Variants in NCK2 observed in about 807,000 individuals in gnomAD.
NCK2 encodes the protein NCK adaptor protein 2.
NCK2 carries 16 observed loss-of-function variants against 33.9 expected under a neutral mutation model. That is an observed-to-expected ratio of 0.47 (90% confidence interval 0.32 to 0.72). The LOEUF (loss-of-function observed/expected upper bound fraction) is 0.72, where lower values mean the gene tolerates loss of function less well. Among genes scored for constraint, NCK2 ranks in the 30% least tolerant of loss-of-function variants. NCK2 has a pLI of 0.03. For missense variants in NCK2, 418 were observed against 537.3 expected (o/e 0.78, Z 2.19); for synonymous variants, 273 against 239.9 (o/e 1.14, Z -1.27).
At chr2:105,801,829 C>T (rs567947915) in intron 1 of NCK2, among the ~76,000 whole-genome samples, 14 of 152,174 alleles carry the variant, frequency 9.2e-5, no homozygotes, top group East Asian at 3.9e-4. Flanking sequence ...CTTTACAGGG[C>T]GCTTTTTAGA....
chr2:105,836,077 A>ATCATTATTT (rs2104537793), intron 2 of NCK2, among the ~76,000 whole-genome samples: 1 of 102,806 alleles, frequency 9.7e-6, no homozygotes, highest in South Asian at 2.5e-4. Flanking sequence ...TTTCCTTAAG[A>ATCATTATTT]TCATTATTTT....
chr2:105,858,058 G>GTTTT (rs70953539), intron 3 of NCK2, among the ~76,000 whole-genome samples: 1 of 143,052 alleles, frequency 7.0e-6, no homozygotes, highest in Non-Finnish European at 1.5e-5. Context: ...TTTTTTTTTT[G>GTTTT]TTTTTTTTTT....
intron 2 of NCK2, among the ~76,000 whole-genome samples, chr2:105,832,024 C>T (rs957631298): frequency 6.6e-6 from 1 of 152,044 alleles, no homozygotes; most frequent in Middle Eastern, 3.4e-3. Context: ...TTGTTTATGT[C>T]CTCTTCAATT....
At chr2:105,745,434 G>T (rs190956794) in intron 1 of NCK2, among the ~76,000 whole-genome samples, 313 of 151,992 alleles carry the variant, frequency 2.1e-3, no homozygotes, top group East Asian at 5.1e-3. Context: ...GCGAGGATCA[G>T]GGCAGGGGGC....
intron 2 of NCK2, among the ~76,000 whole-genome samples, chr2:105,836,077 A>T (rs1422804345): frequency 2.9e-5 from 3 of 102,750 alleles, no homozygotes; most frequent in African/African-American, 1.6e-4. Flanking sequence ...TTTCCTTAAG[A>T]TCATTATTTT....
rs535037048 is a variant in NCK2, at chr2:105,851,411, G to A, written c.-16-3637G>A. ...CCGGAGTAGCTGGGACTACAGGAGC[G>A]TGCCACCACCCCCGGCTGCTCTTTT... On this transcript the variant is annotated intron_variant, in intron 2 of 4. Coordinates refer to ENST00000233154, the MANE Select transcript of NCK2 (RefSeq NM_003581.5). Among the ~76,000 whole-genome samples the A allele has an allele frequency of 1.3e-3, 193 of 152,198 alleles. 1 individual carries two copies. Among genetic ancestry groups the A allele is most frequent in the African/African-American group, 4.2e-3 (175 of 41,522 alleles).
At chr2:105,876,344 CTGTCTGGG>C (rs1417304324) in intron 3 of NCK2, among the ~76,000 whole-genome samples, 1 of 152,242 alleles carries the variant, frequency 6.6e-6, no homozygotes, top group Non-Finnish European at 1.5e-5. Flanking sequence ...GGCATTGGAA[CTGTCTGGG>C]TGTTCTGCAT....
At chr2:105,819,458 T>C (rs183781681) in intron 2 of NCK2, among the ~76,000 whole-genome samples, 3 of 152,350 alleles carry the variant, frequency 2.0e-5, no homozygotes, top group East Asian at 3.9e-4. Context: ...ATCTTCTGAT[T>C]GGATCATCAG....
chr2:105,870,303 C>A (rs1677946882), intron 3 of NCK2, among the ~76,000 whole-genome samples: 1 of 152,244 alleles, frequency 6.6e-6, no homozygotes, highest in Non-Finnish European at 1.5e-5. Context: ...CCCACCCAGG[C>A]AGGGTGGCTG....
intron 2 of NCK2, among the ~76,000 whole-genome samples, chr2:105,826,302 C>T (rs981685042): frequency 6.6e-6 from 1 of 152,172 alleles, no homozygotes; most frequent in Non-Finnish European, 1.5e-5. Flanking sequence ...GCCCCCATGA[C>T]TCAATTACCT....
intron 1 of NCK2, among the ~76,000 whole-genome samples, chr2:105,780,664 AGGTGAT>A (rs1437021110): frequency 2.0e-5 from 3 of 152,138 alleles, no homozygotes; most frequent in African/African-American, 7.2e-5. Context: ...CTACCCCCCA[AGGTGAT>A]GGTATTTGGA....
chr2:105,800,175 G>C (rs561056326), intron 1 of NCK2, among the ~76,000 whole-genome samples: 27 of 152,314 alleles, frequency 1.8e-4, no homozygotes, highest in Admixed American at 5.2e-4. Context: ...GGCTCTCCCT[G>C]GTCTCCGGCA....
At chr2:105,773,345 C>T (rs1057476465) in intron 1 of NCK2, among the ~76,000 whole-genome samples, 1 of 152,084 alleles carries the variant, frequency 6.6e-6, no homozygotes, top group African/African-American at 2.4e-5. Flanking sequence ...TGAGGCAGAC[C>T]TGTCTTCTCG....
intron 1 of NCK2, among the ~76,000 whole-genome samples, chr2:105,807,201 C>T (rs536868363): frequency 5.1e-4 from 77 of 152,360 alleles, no homozygotes; most frequent in African/African-American, 1.8e-3. Flanking sequence ...GAACAGCTCA[C>T]TCTGGGTGTT....
intron 1 of NCK2, among the ~76,000 whole-genome samples, chr2:105,783,838 C>T (rs116244879): frequency 0.019 from 2,854 of 152,142 alleles, 51 homozygotes; most frequent in Non-Finnish European, 0.022. Context: ...GGCATTTCTT[C>T]CCAGAAAGTG....
intron 1 of NCK2, among the ~76,000 whole-genome samples, chr2:105,777,150 G>A (rs942076877): frequency 3.3e-5 from 5 of 151,958 alleles, no homozygotes; most frequent in African/African-American, 1.2e-4. Context: ...ACGGCCCTGC[G>A]GCTGTCACTG....
intron 2 of NCK2, among the ~76,000 whole-genome samples, chr2:105,846,296 ACTTAGAGT>A (rs1650932518): frequency 6.6e-6 from 1 of 152,222 alleles, no homozygotes; most frequent in Admixed American, 6.5e-5. Context: ...AGCTATGTTG[ACTTAGAGT>A]CTAGTCTGCA....
chr2:105,744,938 C>CGGCGGGCGGAGGGGAGGGCTT lies in NCK2; in HGVS notation c.-395_-375dup, dbSNP rs1689218345. ...GGCCGGAGCCGCGCGGCCGAGCGGGCGGCGGGCGGAGGGGAGGGCTTGGCG... is the reference window on the plus strand; with the variant it reads ...GGCCGGAGCCGCGCGGCCGAGCGGGCGGCGGGCGGAGGGGAGGGCTTGGCGGGCGGAGGGGAGGGCTTGGCG... On this transcript the variant is annotated 5_prime_UTR_variant, in exon 1 of 5. Coordinates refer to ENST00000233154, the MANE Select transcript of NCK2 (RefSeq NM_003581.5). 1.4e-5 allele frequency: 2 copies of CGGCGGGCGGAGGGGAGGGCTT among 145,508 alleles called. No individual in the cohort carries two copies. Among genetic ancestry groups the CGGCGGGCGGAGGGGAGGGCTT allele is most frequent in the African/African-American group, 4.9e-5 (2 of 40,518 alleles). The allele number at this position is 145,508 out of a possible 1,614,324, so 9.0% of individuals were successfully genotyped here. A position where few individuals can be genotyped will look rare whatever the true frequency, so the allele number is the denominator to read the frequency against.
intron 3 of NCK2, among the ~76,000 whole-genome samples, chr2:105,860,864 G>T (rs1343651532): frequency 6.7e-6 from 1 of 148,680 alleles, no homozygotes; most frequent in Non-Finnish European, 1.5e-5. Context: ...CAACTTGTGG[G>T]GCACACGAGA....
Sources: allele counts gnomAD v4.1 joint callset (sites outside exome capture counted in the v4.1 genomes callset), GRCh38; gene constraint gnomAD v4.1.1; transcripts MANE v1.5; gene names NCBI Gene and HGNC (gene_info 2026-07-23, HGNC 2026-07-21).